Variants in ORAI2 observed in about 807,000 individuals in gnomAD.
ORAI2 encodes the protein protein orai-2.
A neutral mutation model predicts 16.2 loss-of-function variants in ORAI2; 10 were observed. The ratio of observed to expected loss-of-function variants is 0.62; its 90% CI spans 0.38 to 1.04. The LOEUF is 1.04. Ranked by LOEUF, ORAI2 falls within the 50% of genes least tolerant of loss-of-function variation. The probability of loss-of-function intolerance (pLI) is 0.01; values close to 1 mark genes in which losing one functional copy is unlikely to be tolerated. For missense variants in ORAI2, 238 were observed against 355.5 expected (o/e 0.67, Z 2.66); for synonymous variants, 150 against 157.5 (o/e 0.95, Z 0.35).
intron 2 of ORAI2, 125 bp from the exon 3 acceptor site, chr7:102,438,819 C>G: frequency 3.6e-6 from 3 of 833,788 alleles, no homozygotes; most frequent in Non-Finnish European, 5.9e-6. Flanking sequence ...TGGGCACTTT[C>G]TAAACCCCTG....
chr7:102,442,435 T>C (rs1468976224), intron 3 of ORAI2, among the ~76,000 whole-genome samples: 1 of 152,118 alleles, frequency 6.6e-6, no homozygotes, highest in Non-Finnish European at 1.5e-5. Flanking sequence ...ACACCTGTAA[T>C]CTGAGCACTT....
intron 1 of ORAI2, among the ~76,000 whole-genome samples, chr7:102,435,840 G>A (rs931106306): frequency 1.3e-5 from 2 of 152,056 alleles, no homozygotes; most frequent in Admixed American, 6.6e-5. Context: ...CCACCATGTT[G>A]TCCAGGCTAG....
At chr7:102,442,279 G>A (rs1294130475) in intron 3 of ORAI2, among the ~76,000 whole-genome samples, 5 of 152,084 alleles carry the variant, frequency 3.3e-5, no homozygotes, top group African/African-American at 9.7e-5. Context: ...AGGGCCGGGC[G>A]CCATGGTTCA....
intron 2 of ORAI2, among the ~76,000 whole-genome samples, chr7:102,438,318 C>T (rs1797111033): frequency 1.3e-5 from 2 of 150,942 alleles, no homozygotes; most frequent in South Asian, 2.1e-4. Context: ...GGCAACTCGG[C>T]GAGACTGTCT....
At chr7:102,437,675 A>G (rs771410424) in intron 2 of ORAI2, among the ~76,000 whole-genome samples, 3 of 152,208 alleles carry the variant, frequency 2.0e-5, no homozygotes, top group Non-Finnish European at 4.4e-5. Flanking sequence ...ACTAGCAGCT[A>G]CTTGGAAATG....
Position 102,446,611 on chromosome 7 carries a change from C to T in ORAI2, c.324C>T (p.His108=), listed in dbSNP as rs143014015. 3.2e-4 allele frequency: 513 copies of T among 1,613,900 alleles called. No homozygotes were observed. Among genetic ancestry groups the T allele is most frequent in the Non-Finnish European group, 4.0e-4 (470 of 1,180,038 alleles). The stretch of plus-strand genomic sequence containing the variant: ...GCACCACGGTGCTGGTGGCCGTGCA[C>T]CTGTTCGCCCTCCTCATCAGCACCT... ...SACTTVLVAV[H]LFALLISTCI... is the part of the protein sequence containing the mutation. The change falls in exon 4 of 4, where the codon CAC becomes CAT. Residue 108 remains histidine (H), a synonymous_variant. Transcript: ENST00000495936.
chr7:102,435,207 T>C (rs550412847), intron 1 of ORAI2, among the ~76,000 whole-genome samples: 3 of 152,050 alleles, frequency 2.0e-5, no homozygotes, highest in Non-Finnish European at 4.4e-5. Flanking sequence ...GGAGGTAGAA[T>C]TTGCAGGGAG....
intron 3 of ORAI2, among the ~76,000 whole-genome samples, chr7:102,442,364 C>T (rs182299353): frequency 6.6e-6 from 1 of 152,124 alleles, no homozygotes; most frequent in African/African-American, 2.4e-5. Flanking sequence ...ACCAGCCTGG[C>T]CGATCTGGTG....
At chr7:102,444,559 C>T (rs1797294069) in intron 3 of ORAI2, among the ~76,000 whole-genome samples, 1 of 146,066 alleles carries the variant, frequency 6.8e-6, no homozygotes, top group Non-Finnish European at 1.5e-5. Flanking sequence ...TGAGCCACCG[C>T]ACCTGGCCTG....
At position 102,444,355 on chromosome 7, in the gene ORAI2, C is replaced by T. The variant is rs534884834; in HGVS notation, c.226-2158C>T. Among the ~76,000 whole-genome samples the T allele has an allele frequency of 2.2e-3, 333 of 149,154 alleles. 4 individuals are homozygous for T. Among genetic ancestry groups the T allele is most frequent in the African/African-American group, 7.9e-3 (320 of 40,492 alleles). ...GAAACCCCTGCCCGCCAGATTCAAG[C>T]GATTCTCCTGCCTCAGCCTCCCAAG... is the stretch of plus-strand genomic sequence containing the variant. On this transcript the variant is annotated intron_variant, in intron 3 of 3. Coordinates refer to ENST00000495936, the MANE Select transcript of ORAI2 (RefSeq NM_001126340.3).
At chr7:102,435,536 CTTTT>C (rs56680127) in intron 1 of ORAI2, among the ~76,000 whole-genome samples, 8 of 121,568 alleles carry the variant, frequency 6.6e-5, no homozygotes, top group African/African-American at 9.0e-5. Context: ...GCCCCCCCCT[CTTTT>C]TTTTTTTTTT....
chr7:102,439,806 G>A (rs929672639), intron 3 of ORAI2, among the ~76,000 whole-genome samples: 8 of 151,570 alleles, frequency 5.3e-5, no homozygotes, highest in African/African-American at 1.5e-4. Context: ...TTGGCCAGGC[G>A]TGTTGGCTCA....
intron 2 of ORAI2, 53 bp from the exon 3 acceptor site, chr7:102,438,891 T>C (rs746412844): frequency 6.4e-7 from 1 of 1,556,280 alleles, no homozygotes; most frequent in South Asian, 1.1e-5. Context: ...AGTCTAGCTC[T>C]TCCAGGCCGC....
At position 102,443,751 on chromosome 7, in the gene ORAI2, G is replaced by A. The variant is rs537259089; in HGVS notation, c.226-2762G>A. On this transcript the variant is annotated intron_variant, in intron 3 of 3. Transcript: ENST00000495936. ...AGATGTAGTCTCGCTCTGTCTCCCA[G>A]GCTGGAGCACAATGGCACGATCTTG... Among the ~76,000 whole-genome samples the A allele has an allele frequency of 3.9e-4, 60 of 152,204 alleles. No homozygotes were observed. The South Asian group carries it at 0.012, about 31-fold the overall frequency.
At chr7:102,443,274 CTTTTTTTTT>C (rs1336293014) in intron 3 of ORAI2, among the ~76,000 whole-genome samples, 2 of 129,992 alleles carry the variant, frequency 1.5e-5, no homozygotes, top group South Asian at 5.0e-4. Flanking sequence ...CCCTTTTCTC[CTTTTTTTTT>C]TTTTTTTTTG....
rs1039667005 is a variant in ORAI2, at chr7:102,456,668, G to A, written c.*9616G>A. The A allele has an allele frequency of 6.6e-6, 1 of 152,208 alleles. No individual in the cohort carries two copies. The highest frequency in any genetic ancestry group is 6.5e-5 in the Admixed American group (1 of 15,276). The allele number at this position is 152,208 out of a possible 1,614,324, so 9.4% of individuals were successfully genotyped here. On this transcript the variant is annotated 3_prime_UTR_variant, in exon 4 of 4. Transcript: ENST00000495936. ...GGGTGTCAAGCATGAGTCAGGCTGAGCCTGACTCTGAAGCTGTTCCCAGCT... is the reference window on the plus strand; with the variant it reads ...GGGTGTCAAGCATGAGTCAGGCTGAACCTGACTCTGAAGCTGTTCCCAGCT...
At chr7:102,439,216 C>A in intron 3 of ORAI2, 35 bp downstream of exon 3, 1 of 1,572,856 alleles carries the variant, frequency 6.4e-7, no homozygotes, top group South Asian at 1.1e-5. Flanking sequence ...GCACACTGGT[C>A]AGATGGGCTT....
chr7:102,436,292 A>G lies in ORAI2; in HGVS notation c.-55A>G. 3.0e-6 allele frequency: 3 copies of G among 985,516 alleles called. No individual in the cohort carries two copies. The highest frequency in any genetic ancestry group is 9.4e-5 in the South Asian group (2 of 21,276). 61.0% of individuals were successfully genotyped at this position (985,516 alleles called of 1,614,324 possible). A position where few individuals can be genotyped will look rare whatever the true frequency, so the allele number is the denominator to read the frequency against. ...GCTGGCTGCGGATGTGCGCAAGGAG[A>G]TGGGATGGAGAGCCTGAGTTGGCAT... is the stretch of plus-strand genomic sequence containing the variant. On this transcript the variant is annotated 5_prime_UTR_variant, in exon 2 of 4. An upstream start codon of the reference 5' UTR is lost. Coordinates refer to ENST00000495936, the MANE Select transcript of ORAI2 (RefSeq NM_001126340.3).
At chr7:102,435,197 G>A (rs1327106789) in intron 1 of ORAI2, among the ~76,000 whole-genome samples, 1 of 152,168 alleles carries the variant, frequency 6.6e-6, no homozygotes, top group Non-Finnish European at 1.5e-5. Flanking sequence ...CTTGAGCCTG[G>A]GAGGTAGAAT....
Sources: allele counts gnomAD v4.1 joint callset (sites outside exome capture counted in the v4.1 genomes callset), GRCh38; gene constraint gnomAD v4.1.1; transcripts MANE v1.5; gene names NCBI Gene and HGNC (gene_info 2026-07-23, HGNC 2026-07-21).